AGBL1: variants seen among roughly 807,000 people sequenced by gnomAD.
AGBL1 encodes AGBL carboxypeptidase 1.
AGBL1 carries 130 observed loss-of-function variants against 118.9 expected under a neutral mutation model. That is an observed-to-expected ratio of 1.09 (90% confidence interval 0.95 to 1.26). The LOEUF (loss-of-function observed/expected upper bound fraction) is 1.26. Among genes scored for constraint, AGBL1 ranks in the 50% most tolerant of loss-of-function variants. The pLI, the probability that AGBL1 is intolerant of heterozygous loss-of-function variation, is 0.00. For synonymous variants in AGBL1, 555 were observed against 478.9 expected, an observed-to-expected ratio of 1.16 and a Z score of -2.08; for missense variants, 1,584 against 1,298.1, an observed-to-expected ratio of 1.22 and a Z score of -3.38.
chr15:86,614,476 A>G (rs377363321), intron 21 of AGBL1, among the ~76,000 whole-genome samples: 198 of 152,280 alleles, frequency 1.3e-3, no homozygotes, highest in African/African-American at 3.7e-3. Flanking sequence ...CTAGAATTAC[A>G]TGTTTCATTA....
chr15:86,909,233 T>G lies in AGBL1; in HGVS notation c.*1939T>G, dbSNP rs1434571255. On this transcript the variant is annotated 3_prime_UTR_variant, in exon 23 of 23. Transcript: ENST00000614907. ...TATTTGAGGTGGGCCCAGCTAAAAT[T>G]TGAAGTTTGAAGTAAAAGTCTGAAT... 1 of 152,198 alleles carries G rather than the reference T, an allele frequency of 6.6e-6. No individual in the cohort carries two copies. Among genetic ancestry groups the G allele is most frequent in the Non-Finnish European group, 1.5e-5 (1 of 68,042 alleles). 9.4% of individuals were successfully genotyped at this position (152,198 alleles called of 1,614,324 possible).
At chr15:86,523,716 A>G (rs1215339626) in intron 19 of AGBL1, among the ~76,000 whole-genome samples, 1 of 151,944 alleles carries the variant, frequency 6.6e-6, no homozygotes, top group Non-Finnish European at 1.5e-5. Flanking sequence ...TTATATTCCA[A>G]ATTTTATTCT....
At chr15:86,281,436 T>G (rs751772895) in intron 16 of AGBL1, among the ~76,000 whole-genome samples, 10 of 152,120 alleles carry the variant, frequency 6.6e-5, no homozygotes, top group Non-Finnish European at 1.3e-4. Context: ...CTGCTAGGGA[T>G]GGGGATTCCT....
At chr15:86,690,191 A>G (rs1451624154) in intron 22 of AGBL1, among the ~76,000 whole-genome samples, 1 of 152,178 alleles carries the variant, frequency 6.6e-6, no homozygotes, top group South Asian at 2.1e-4. Context: ...GCTGTCTTCA[A>G]ATAGCTCTGT....
At chr15:86,453,541 G>T (rs993284821) in intron 18 of AGBL1, among the ~76,000 whole-genome samples, 3 of 152,150 alleles carry the variant, frequency 2.0e-5, no homozygotes, top group African/African-American at 4.8e-5. Flanking sequence ...TTTTCTTCCC[G>T]AAAGCAGCCT....
At chr15:86,813,503 A>G (rs1206210658) in intron 22 of AGBL1, among the ~76,000 whole-genome samples, 3 of 152,146 alleles carry the variant, frequency 2.0e-5, no homozygotes, top group Non-Finnish European at 2.9e-5. Context: ...CTGTCTTCCA[A>G]AGCAGAAAAC....
chr15:86,532,975 G>T (rs1042076096), intron 19 of AGBL1, among the ~76,000 whole-genome samples: 1 of 102,498 alleles, frequency 9.8e-6, no homozygotes, highest in Non-Finnish European at 1.9e-5. Flanking sequence ...ATGGATTAAA[G>T]ATTTAAACGT....
intron 18 of AGBL1, among the ~76,000 whole-genome samples, chr15:86,494,609 G>C (rs923958919): frequency 2.6e-5 from 4 of 151,904 alleles, no homozygotes; most frequent in Admixed American, 1.3e-4. Flanking sequence ...ATCACCTACC[G>C]ATCAGGCTCA....
At chr15:86,657,089 C>A (rs1418844716) in intron 21 of AGBL1, among the ~76,000 whole-genome samples, 1 of 152,098 alleles carries the variant, frequency 6.6e-6, no homozygotes, top group Non-Finnish European at 1.5e-5. Flanking sequence ...CTTCCAAGAC[C>A]CTCACCTTCC....
chr15:86,940,371 G>T (rs2080735147), intron 23 of AGBL1, among the ~76,000 whole-genome samples: 1 of 152,020 alleles, frequency 6.6e-6, no homozygotes, highest in Non-Finnish European at 1.5e-5. Context: ...AAACTATTTA[G>T]AAGATTGACA....
At chr15:86,887,917 A>G (rs16974090) in intron 22 of AGBL1, among the ~76,000 whole-genome samples, 12,718 of 152,192 alleles carry the variant, frequency 0.084, 608 homozygotes, top group Middle Eastern at 0.12. Context: ...TGATGTGTAT[A>G]AGCCCCAGGA....
chr15:86,483,680 A>C (rs2082680186), intron 18 of AGBL1, among the ~76,000 whole-genome samples: 2 of 152,130 alleles, frequency 1.3e-5, no homozygotes, highest in Admixed American at 1.3e-4. Flanking sequence ...GTCTATTGTC[A>C]TTGCCTGAGA....
chr15:86,471,684 T>C (rs2082481348), intron 18 of AGBL1, among the ~76,000 whole-genome samples: 1 of 152,108 alleles, frequency 6.6e-6, no homozygotes, highest in Non-Finnish European at 1.5e-5. Flanking sequence ...CTTTGTAAAT[T>C]TTCCCTCTTT....
chr15:86,145,087 TCTC>T (rs1432023398), intron 3 of AGBL1, among the ~76,000 whole-genome samples: 1 of 152,170 alleles, frequency 6.6e-6, no homozygotes, highest in Admixed American at 6.5e-5. Context: ...CACGTGCTGT[TCTC>T]CTCTGTATCA....
At chr15:86,868,284 G>C (rs1250267120) in intron 22 of AGBL1, among the ~76,000 whole-genome samples, 1 of 152,234 alleles carries the variant, frequency 6.6e-6, no homozygotes, top group East Asian at 1.9e-4. Context: ...GAGGTCGCCA[G>C]AGGACTATTC....
chr15:86,578,738 AC>A lies in AGBL1; in HGVS notation c.2994+24202del, dbSNP rs1213344933. On this transcript the variant is annotated intron_variant, in intron 21 of 22. Transcript: ENST00000614907. ...GGTTATTATAAGGGGGTGTCCCTACACGAGCTCTCTCTTTTTGCCTCTTGCC... is the reference window on the plus strand; with the variant it reads ...GGTTATTATAAGGGGGTGTCCCTACAGAGCTCTCTCTTTTTGCCTCTTGCC... Among the ~76,000 whole-genome samples, 3 of 152,300 alleles carry A rather than the reference AC, an allele frequency of 2.0e-5. No individual in the cohort carries two copies. In the East Asian group the frequency reaches 5.8e-4, roughly 29 times the overall value.
chr15:86,307,586 A>C (rs2079859364), intron 17 of AGBL1, among the ~76,000 whole-genome samples: 3 of 152,156 alleles, frequency 2.0e-5, no homozygotes. Context: ...GCTATTAAAT[A>C]TGGAGTGAGA....
At chr15:86,841,567 T>C (rs984505854) in intron 22 of AGBL1, among the ~76,000 whole-genome samples, 2 of 152,080 alleles carry the variant, frequency 1.3e-5, no homozygotes, top group Non-Finnish European at 2.9e-5. Context: ...AAAAGTTGGC[T>C]GGGCGCAGTG....
chr15:86,639,751 G>A (rs12594142), intron 21 of AGBL1, among the ~76,000 whole-genome samples: 1 of 152,180 alleles, frequency 6.6e-6, no homozygotes, highest in African/African-American at 2.4e-5. Context: ...GTGGAGGAGA[G>A]CAATGACCTG....
Sources: gnomAD v4.1 joint callset for allele counts (sites outside exome capture counted in the v4.1 genomes callset) on GRCh38, gnomAD v4.1.1 for gene constraint, MANE v1.5 for transcripts, NCBI Gene and HGNC (gene_info 2026-07-23, HGNC 2026-07-21) for gene names.